Variants in CHRNB4 observed in about 807,000 individuals in gnomAD.
The protein encoded by CHRNB4 is cholinergic receptor nicotinic beta 4 subunit, also known as neuronal acetylcholine receptor subunit beta-4.
Under a neutral mutation model 40.4 loss-of-function variants are expected in CHRNB4, and 23 were observed. That is an observed-to-expected ratio of 0.57 (90% CI 0.41 to 0.81). The LOEUF is 0.81. CHRNB4 is among the 30% of genes least tolerant of loss of function. The pLI is 0.00. For synonymous variants in CHRNB4, 285 were observed against 274.4 expected (o/e 1.04, Z -0.38); for missense variants, 568 against 670.6 (o/e 0.85, Z 1.69).
intron 1 of CHRNB4, chr15:78,660,384 T>C (rs1384546846): frequency 6.6e-6 from 1 of 152,274 alleles, no homozygotes; most frequent in Non-Finnish European, 1.5e-5. Flanking sequence ...AATTGTTTCC[T>C]GGGAGAAGCC....
rs79836872 is a variant in CHRNB4, at chr15:78,633,314, T to C, written c.205-1982A>G. ...CAGGCTTAAATAAAGTAGAAATTCA[T>C]GTCCCTCTCATGTTAACACTTTAGA... On this transcript the variant is annotated intron_variant, in intron 2 of 5. Coordinates refer to ENST00000261751, the MANE Select transcript of CHRNB4 (RefSeq NM_000750.5). Among the ~76,000 whole-genome samples the C allele has an allele frequency of 2.3e-3, 343 of 152,326 alleles. 1 individual carries two copies. The highest frequency in any genetic ancestry group is 8.0e-3 in the African/African-American group (334 of 41,556).
chr15:78,655,936 G>A lies in CHRNB4; in HGVS notation c.-229-273C>T, dbSNP rs917602668. Among the ~76,000 whole-genome samples, 3 of 152,052 alleles carry A rather than the reference G, an allele frequency of 2.0e-5. No homozygotes were observed. The South Asian group carries it at 6.2e-4, about 32-fold the overall frequency. On this transcript the variant is annotated intron_variant and NMD_transcript_variant, in intron 4 of 11. Transcript: ENST00000559849. ...AGTGTTCTATAGTGTTCAGTGTAGAGGTTTGATAGATTTATTTTTAGGTAT... is the reference window on the plus strand; with the variant it reads ...AGTGTTCTATAGTGTTCAGTGTAGAAGTTTGATAGATTTATTTTTAGGTAT...
Position 78,624,880 on chromosome 15 carries a change from G to A in CHRNB4, c.*253C>T. 1 of 1,313,604 alleles carries A rather than the reference G, an allele frequency of 7.6e-7. No individual in the cohort carries two copies. The highest frequency in any genetic ancestry group is 1.0e-6 in the Non-Finnish European group (1 of 986,274). The allele number at this position is 1,313,604 out of a possible 1,614,324, so 81.4% of individuals were successfully genotyped here. A position where few individuals can be genotyped will look rare whatever the true frequency, so the allele number is the denominator to read the frequency against. On this transcript the variant is annotated 3_prime_UTR_variant, in exon 6 of 6. Transcript: ENST00000261751. ...TCTTTATCCCCATTGCCCGGTGCAG[G>A]GAAGGAAGACAGGCCAGAATTGAAC...
intron 1 of CHRNB4, among the ~76,000 whole-genome samples, chr15:78,638,497 G>A (rs2054001553): frequency 6.6e-6 from 1 of 151,778 alleles, no homozygotes; most frequent in Non-Finnish European, 1.5e-5. Flanking sequence ...TGACCCCTGA[G>A]CCTTCTTCAG....
chr15:78,626,027 G>C (rs894032168), intron 5 of CHRNB4: 2 of 152,472 alleles, frequency 1.3e-5, no homozygotes. Flanking sequence ...CACACCCCTA[G>C]GCCTGGCTGG....
chr15:78,659,553 G>T (rs895399518), intron 1 of CHRNB4, among the ~76,000 whole-genome samples: 4 of 152,164 alleles, frequency 2.6e-5, no homozygotes, highest in African/African-American at 9.7e-5. Context: ...GCTCTCTGAG[G>T]AGGTGACATT....
chr15:78,640,747 C>T (rs2054052135), intron 1 of CHRNB4, among the ~76,000 whole-genome samples: 1 of 152,254 alleles, frequency 6.6e-6, no homozygotes, highest in Admixed American at 6.5e-5. Context: ...GCCTCCCAGA[C>T]TGCTGGGGAT....
intron 7 of CHRNB4, among the ~76,000 whole-genome samples, chr15:78,649,142 C>T (rs1444462460): frequency 6.6e-6 from 1 of 152,102 alleles, no homozygotes; most frequent in African/African-American, 2.4e-5. Context: ...AGCAGGAGCA[C>T]TCGCCAACTG....
rs746056646 is a variant in CHRNB4 at position 78,641,122 on chromosome 15, C to T, written c.12G>A (p.Ala4=). The change falls in exon 1 of 6, where the codon GCG becomes GCA. Residue 4 remains alanine (A), a synonymous_variant. Transcript: ENST00000261751. ...CCAGGAAGAAAAGGACCAGGGAAGG[C>T]GCGCGCCTCATGGCCGGCGGGGCCG... MRR[A]PSLVLFFLVA... is the part of the protein sequence containing the mutation. 2.3e-5 allele frequency: 36 copies of T among 1,573,904 alleles called. No homozygotes were observed. The African/African-American group carries it at 4.8e-4, about 21-fold the overall frequency.
upstream of CHRNB4, among the ~76,000 whole-genome samples, chr15:78,642,570 C>A (rs1215677820): frequency 3.3e-5 from 5 of 152,110 alleles, no homozygotes; most frequent in Non-Finnish European, 2.9e-5. Flanking sequence ...GCTGCTGATC[C>A]GTGGTCTGTA....
Position 78,624,980 on chromosome 15 carries a change from T to A in CHRNB4, c.*153A>T. On this transcript the variant is annotated 3_prime_UTR_variant, in exon 6 of 6. Transcript: ENST00000261751. The stretch of plus-strand genomic sequence containing the variant: ...TCAGAGAGGACAGCCCAGGCCCCCA[T>A]CCTTGCCTGTTCCACGGCTGTGGCT... 6.4e-7 allele frequency: 1 copy of A among 1,573,910 alleles called. No homozygotes were observed. The highest frequency in any genetic ancestry group is 8.6e-7 in the Non-Finnish European group (1 of 1,167,638).
upstream of CHRNB4, chr15:78,661,497 C>T: frequency 5.7e-6 from 3 of 525,280 alleles, no homozygotes. Context: ...GTTGATTTGT[C>T]TGGCCAGAAA....
chr15:78,647,529 T>C (rs554289979), intron 7 of CHRNB4, among the ~76,000 whole-genome samples: 4 of 151,808 alleles, frequency 2.6e-5, no homozygotes, highest in Non-Finnish European at 5.9e-5. Flanking sequence ...TATACATCAA[T>C]AACAACAGGT....
At chr15:78,641,214 C>T (rs2054068253), upstream of CHRNB4, 2 of 1,300,732 alleles carry the variant, frequency 1.5e-6, no homozygotes, top group African/African-American at 1.6e-5. Context: ...GTCGAGTGAG[C>T]GCCGGTCCTG....
upstream of CHRNB4, chr15:78,661,102 G>A (rs2054249084): frequency 3.3e-6 from 2 of 609,296 alleles, no homozygotes; most frequent in Non-Finnish European, 6.4e-6. Flanking sequence ...CCGGCCCTTG[G>A]AGCGGACGTA....
intron 2 of CHRNB4, among the ~76,000 whole-genome samples, chr15:78,635,204 A>C (rs2053921804): frequency 6.6e-6 from 1 of 152,186 alleles, no homozygotes; most frequent in African/African-American, 2.4e-5. Flanking sequence ...TTGGCTGCCT[A>C]CCCAATGGTC....
Position 78,629,913 on chromosome 15 carries a change from G to T in CHRNB4, c.392C>A (p.Thr131Asn). ...GCCGTTGGACCGGACTATCAAGTTG[G>T]TGTAGACAGACACCTCATAGGTCCC... ...ADGTYEVSVY[T>N]NLIVRSNGSV... Residue 131 changes from threonine (T) to asparagine (N), a missense_variant, in exon 5 of 6, where the codon ACC (threonine) becomes AAC (asparagine). Transcript: ENST00000261751. This position sits in a 1 kb window ranked among gnomAD's most constrained non-coding sequence, Gnocchi z 6.8. 6.2e-7 allele frequency: 1 copy of T among 1,606,430 alleles called. No homozygotes were observed. The highest frequency in any genetic ancestry group is 8.5e-7 in the Non-Finnish European group (1 of 1,177,752).
At chr15:78,644,861 C>T (rs1444750739), upstream of CHRNB4, among the ~76,000 whole-genome samples, 2 of 152,172 alleles carry the variant, frequency 1.3e-5, no homozygotes, top group Non-Finnish European at 2.9e-5. Context: ...CGCTGGTGCC[C>T]TCTCCATACC....
At chr15:78,646,328 T>C (rs901841451) in intron 7 of CHRNB4, among the ~76,000 whole-genome samples, 4 of 152,128 alleles carry the variant, frequency 2.6e-5, no homozygotes, top group Non-Finnish European at 4.4e-5. Context: ...GGGAAGTAAA[T>C]ACAACTAGAT....
Sources: gnomAD v4.1 joint callset for allele counts (sites outside exome capture counted in the v4.1 genomes callset) on GRCh38, gnomAD v4.1.1 for gene constraint, Gnocchi (gnomAD v3.1) non-coding constraint, MANE v1.5 for transcripts, NCBI Gene and HGNC (gene_info 2026-07-23, HGNC 2026-07-21) for gene names.